Variants in ZNF274 observed in about 807,000 individuals in gnomAD.
The protein encoded by ZNF274 is zinc finger protein 274.
A neutral mutation model predicts 42.5 loss-of-function variants in ZNF274; 23 were observed. The ratio of observed to expected loss-of-function variants is 0.54; its 90% CI spans 0.39 to 0.77. The LOEUF is 0.77. ZNF274 is among the 30% of genes least tolerant of loss of function. The pLI, the probability that ZNF274 is intolerant of heterozygous loss-of-function variation, is 0.00. For missense variants in ZNF274, 679 were observed against 806.5 expected (o/e 0.84, Z 1.91); for synonymous variants, 292 against 305.4 (o/e 0.96, Z 0.46).
intron 4 of ZNF274, among the ~76,000 whole-genome samples, chr19:58,192,808 G>T (rs2075793468): frequency 6.6e-6 from 1 of 152,164 alleles, no homozygotes; most frequent in African/African-American, 2.4e-5. Context: ...GTAGTGGCAT[G>T]ATCATGGCTC....
chr19:58,212,921 G>A lies in ZNF274; in HGVS notation c.1740G>A (p.Gln580=). Residue 580 remains glutamine (Q), a synonymous_variant, in exon 8 of 8, where the codon CAG becomes CAA. Coordinates refer to ENST00000617501, the MANE Select transcript of ZNF274 (RefSeq NM_133502.3). The surrounding 1 kb of genome is among the most constrained non-coding windows in gnomAD (Gnocchi z 4.6). ...TCAATGATCGCTCAGCCATCTCCCAGCACCTGAGGACTCACACTGGCGCTA... is the reference window on the plus strand; with the variant it reads ...TCAATGATCGCTCAGCCATCTCCCAACACCTGAGGACTCACACTGGCGCTA... ...RTFNDRSAIS[Q]HLRTHTGAKP... is the part of the protein sequence containing the mutation. 6.2e-7 allele frequency: 1 copy of A among 1,613,988 alleles called. No individual in the cohort carries two copies. Among genetic ancestry groups the A allele is most frequent in the Non-Finnish European group, 8.5e-7 (1 of 1,179,880 alleles).
At position 58,212,615 on chromosome 19, in the gene ZNF274, C is replaced by A. The variant is rs765110310; in HGVS notation, c.1434C>A (p.Ala478=). The change falls in exon 8 of 8, where the codon GCC becomes GCA. Residue 478 remains alanine (A), a synonymous_variant. Coordinates refer to ENST00000617501, the MANE Select transcript of ZNF274 (RefSeq NM_133502.3). This position sits in a 1 kb window ranked among gnomAD's most constrained non-coding sequence, Gnocchi z 4.6. ...AGAAGAGCTGTGAAAGGCAAAAGGC[C>A]AAGGAAGGCAATGGTTGTAGGAAAA... The part of the protein sequence containing the change: ...IHQKSCERQK[A]KEGNGCRKTF... 6.2e-7 allele frequency: 1 copy of A among 1,613,944 alleles called. No homozygotes were observed. The highest frequency in any genetic ancestry group is 8.5e-7 in the Non-Finnish European group (1 of 1,179,890).
chr19:58,188,073 T>C (rs1433267167), intron 4 of ZNF274, among the ~76,000 whole-genome samples: 1 of 152,220 alleles, frequency 6.6e-6, no homozygotes, highest in Non-Finnish European at 1.5e-5. Context: ...TGATTTTTCT[T>C]CTTTTGGTGG....
chr19:58,207,813 T>G lies in ZNF274; in HGVS notation c.739+611T>G, dbSNP rs1309826053. Among the ~76,000 whole-genome samples, 1 of 152,240 alleles carries G rather than the reference T, an allele frequency of 6.6e-6. No individual in the cohort carries two copies. Among genetic ancestry groups the G allele is most frequent in the East Asian group, 1.9e-4 (1 of 5,194 alleles). ...GAGCTGGCACTGCCAGTGGGGACTTTAGTCCTAAAGCAAAGCAAAATGTTC... is the reference window on the plus strand; with the variant it reads ...GAGCTGGCACTGCCAGTGGGGACTTGAGTCCTAAAGCAAAGCAAAATGTTC... On this transcript the variant is annotated intron_variant, in intron 5 of 7. Transcript: ENST00000617501. This position sits in a 1 kb window ranked among gnomAD's most constrained non-coding sequence, Gnocchi z 5.6.
Position 58,183,996 on chromosome 19 carries a change from T to TG in ZNF274, c.32dup (p.Cys11TrpfsTer2). The TG allele has an allele frequency of 6.3e-7, 1 of 1,593,642 alleles. No individual in the cohort carries two copies. ...CTCCAGGCTTCCGACGGCCTGGTCCTGTGTGAGTAGAGGCTTCCTTCAGCT... is the reference window on the plus strand; with the variant it reads ...CTCCAGGCTTCCGACGGCCTGGTCCTGGTGTGAGTAGAGGCTTCCTTCAGCT... On this transcript the variant is annotated frameshift_variant and splice_region_variant, in exon 2 of 8. Transcript: ENST00000617501. LOFTEE classifies it high-confidence loss of function.
intron 4 of ZNF274, among the ~76,000 whole-genome samples, chr19:58,191,565 T>C (rs2075779429): frequency 6.6e-6 from 1 of 152,356 alleles, no homozygotes. Context: ...CATACACTTC[T>C]GGATGATCTG....
Position 58,204,349 on chromosome 19 carries a change from G to C in ZNF274, c.257-2371G>C, listed in dbSNP as rs190551543. On this transcript the variant is annotated intron_variant, in intron 4 of 7. Coordinates refer to ENST00000617501, the MANE Select transcript of ZNF274 (RefSeq NM_133502.3). ...TTCTGGGCGCTTTTCCGGGTCCAGG[G>C]GGGGCAGGGTTCGAGGCGTGGCCTA... Among the ~76,000 whole-genome samples, 833 of 152,160 alleles carry C rather than the reference G, an allele frequency of 5.5e-3. 10 individuals are homozygous for C. Among genetic ancestry groups the C allele is most frequent in the African/African-American group, 0.019 (777 of 41,446 alleles).
rs947731881 is a variant in ZNF274 at position 58,183,192 on chromosome 19, G to A, written c.-296G>A. ...CTCGGGTCGCCGCCCACATTAGTGTGGGGCCCTGCGGCCTAGCGTCCCTCA... is the reference window on the plus strand; with the variant it reads ...CTCGGGTCGCCGCCCACATTAGTGTAGGGCCCTGCGGCCTAGCGTCCCTCA... On this transcript the variant is annotated 5_prime_UTR_variant, in exon 1 of 8. Transcript: ENST00000617501. 11 of 152,468 alleles carry A rather than the reference G, an allele frequency of 7.2e-5. No homozygotes were observed. The highest frequency in any genetic ancestry group is 2.4e-4 in the African/African-American group (10 of 41,574). 9.4% of individuals were successfully genotyped at this position (152,468 alleles called of 1,614,324 possible). A position where few individuals can be genotyped will look rare whatever the true frequency, so the allele number is the denominator to read the frequency against.
intron 4 of ZNF274, among the ~76,000 whole-genome samples, chr19:58,196,330 G>A (rs948122612): frequency 5.3e-5 from 8 of 152,232 alleles, no homozygotes; most frequent in African/African-American, 9.6e-5. Context: ...AGAGGCCAAG[G>A]TGGGCAGATC....
At chr19:58,204,344 C>G (rs2075954807) in intron 4 of ZNF274, among the ~76,000 whole-genome samples, 1 of 151,446 alleles carries the variant, frequency 6.6e-6, no homozygotes. Context: ...TTTTCCGGGT[C>G]CAGGGGGGGC....
At chr19:58,187,941 T>C (rs2075719664) in intron 4 of ZNF274, among the ~76,000 whole-genome samples, 1 of 152,132 alleles carries the variant, frequency 6.6e-6, no homozygotes. Flanking sequence ...GCCATGCTGT[T>C]CTTGAACTCC....
chr19:58,205,749 T>C (rs931678129), intron 4 of ZNF274, among the ~76,000 whole-genome samples: 4 of 152,340 alleles, frequency 2.6e-5, no homozygotes, highest in Non-Finnish European at 5.9e-5. Flanking sequence ...TTTAGCAATG[T>C]GCTCTTGTGG....
intron 4 of ZNF274, among the ~76,000 whole-genome samples, chr19:58,189,335 A>G (rs2075751100): frequency 1.3e-5 from 2 of 152,134 alleles, no homozygotes; most frequent in Admixed American, 6.6e-5. Context: ...GGTATTTGTT[A>G]TATACCTCGA....
At chr19:58,188,714 A>ATATATATATATATATATATATG (rs1555816937) in intron 4 of ZNF274, among the ~76,000 whole-genome samples, 1 of 127,598 alleles carries the variant, frequency 7.8e-6, no homozygotes, top group Non-Finnish European at 1.6e-5. Flanking sequence ...ATATATATAT[A>ATATATATATATATATATATATG]TATATATATA....
intron 4 of ZNF274, among the ~76,000 whole-genome samples, chr19:58,188,304 G>GT (rs1188932087): frequency 3.3e-5 from 5 of 150,676 alleles, no homozygotes; most frequent in Non-Finnish European, 5.9e-5. Context: ...GTGGGAGGTT[G>GT]TTTGAGACCC....
chr19:58,195,344 A>T (rs923601885), intron 4 of ZNF274, among the ~76,000 whole-genome samples: 5 of 152,146 alleles, frequency 3.3e-5, no homozygotes, highest in African/African-American at 1.2e-4. Flanking sequence ...ATGACAGATG[A>T]ATGAGAAGGC....
intron 4 of ZNF274, among the ~76,000 whole-genome samples, chr19:58,188,694 G>GTGTATATATATATATATATA (rs1555816897): frequency 8.0e-5 from 6 of 74,654 alleles, no homozygotes; most frequent in African/African-American, 2.7e-4. Flanking sequence ...ATATGTATAT[G>GTGTATATATATATATATATA]TATATATATA....
At position 58,213,371 on chromosome 19, in the gene ZNF274, A is replaced by G; in HGVS notation, c.*228A>G. The G allele has an allele frequency of 2.0e-6, 1 of 493,252 alleles. No individual in the cohort carries two copies. Among genetic ancestry groups the G allele is most frequent in the Non-Finnish European group, 3.4e-6 (1 of 290,784 alleles). The allele number at this position is 493,252 out of a possible 1,614,324, so 30.6% of individuals were successfully genotyped here. A position where few individuals can be genotyped will look rare whatever the true frequency, so the allele number is the denominator to read the frequency against. ...AAAAAAGATTTCCCATTCACTTGAT[A>G]TTGTTTGTTCACTCATTTAGTCATT... On this transcript the variant is annotated 3_prime_UTR_variant, in exon 8 of 8. Coordinates refer to ENST00000617501, the MANE Select transcript of ZNF274 (RefSeq NM_133502.3).
At chr19:58,184,504 G>A (rs1473583786) in intron 2 of ZNF274, 2 of 156,256 alleles carry the variant, frequency 1.3e-5, no homozygotes, top group South Asian at 1.7e-4. Flanking sequence ...GTGGAGACGG[G>A]GTTTCACCAT....
Sources: allele counts gnomAD v4.1 joint callset (sites outside exome capture counted in the v4.1 genomes callset), GRCh38; gene constraint gnomAD v4.1.1; non-coding constraint Gnocchi (gnomAD v3.1); transcripts MANE v1.5; gene names NCBI Gene and HGNC (gene_info 2026-07-23, HGNC 2026-07-21).